Variants in RSPO2 observed in about 807,000 individuals in gnomAD.
RSPO2 encodes R-spondin-2.
RSPO2 carries 14 observed loss-of-function variants against 30.9 expected under a neutral mutation model. The ratio of observed to expected loss-of-function variants is 0.45; its 90% confidence interval spans 0.30 to 0.71. RSPO2 has a LOEUF of 0.71. Ranked by LOEUF, RSPO2 falls within the 30% of genes least tolerant of loss-of-function variation. The pLI, the probability that RSPO2 is intolerant of heterozygous loss-of-function variation, is 0.08. For missense variants in RSPO2, 264 were observed against 301.9 expected (o/e 0.87, Z 0.93); for synonymous variants, 107 against 96.4 (o/e 1.11, Z -0.64).
At chr8:108,028,892 T>C (rs1811311688) in intron 2 of RSPO2, among the ~76,000 whole-genome samples, 1 of 152,060 alleles carries the variant, frequency 6.6e-6, no homozygotes, top group South Asian at 2.1e-4. Context: ...ATCACTTTCA[T>C]AGCACATTGT....
chr8:108,005,999 T>G (rs80186015), intron 2 of RSPO2, among the ~76,000 whole-genome samples: 3 of 152,162 alleles, frequency 2.0e-5, no homozygotes, highest in Non-Finnish European at 4.4e-5. Flanking sequence ...GGAAGAACTG[T>G]TAATACAGAA....
chr8:107,907,173 G>A (rs1586529778), intron 5 of RSPO2, among the ~76,000 whole-genome samples: 2 of 151,892 alleles, frequency 1.3e-5, no homozygotes, highest in African/African-American at 4.8e-5. Context: ...CACTGGCTGT[G>A]GAGTCAGAAG....
intron 3 of RSPO2, among the ~76,000 whole-genome samples, chr8:107,976,505 A>G (rs1380067333): frequency 2.0e-5 from 3 of 152,190 alleles, no homozygotes; most frequent in East Asian, 3.9e-4. Flanking sequence ...TAGAATGGCC[A>G]TTTCTATCTG....
chr8:108,032,362 C>A (rs1212078569), intron 2 of RSPO2, among the ~76,000 whole-genome samples: 1 of 152,132 alleles, frequency 6.6e-6, no homozygotes, highest in East Asian at 1.9e-4. Context: ...TCCTTGAGAG[C>A]AAACACTCTT....
At chr8:107,909,449 G>A (rs1586532320) in intron 5 of RSPO2, among the ~76,000 whole-genome samples, 1 of 151,872 alleles carries the variant, frequency 6.6e-6, no homozygotes, top group East Asian at 1.9e-4. Context: ...TTTTAGTAGA[G>A]ACAGGTTTTC....
chr8:107,946,867 A>G (rs1323507880), intron 5 of RSPO2, among the ~76,000 whole-genome samples: 1 of 152,220 alleles, frequency 6.6e-6, no homozygotes, highest in Non-Finnish European at 1.5e-5. Context: ...TTTCCAACAT[A>G]CAAAGACATC....
chr8:108,076,612 T>C (rs1250693250), intron 2 of RSPO2, among the ~76,000 whole-genome samples: 1 of 151,886 alleles, frequency 6.6e-6, no homozygotes, highest in Admixed American at 6.6e-5. Context: ...CAGAACTCCA[T>C]GGATAAAAAA....
At chr8:108,020,756 G>T (rs1205872807) in intron 2 of RSPO2, among the ~76,000 whole-genome samples, 1 of 152,074 alleles carries the variant, frequency 6.6e-6, no homozygotes, top group African/African-American at 2.4e-5. Context: ...TCTCCTCCAG[G>T]AAGACTTCCC....
chr8:108,047,224 G>C (rs1380801418), intron 2 of RSPO2, among the ~76,000 whole-genome samples: 2 of 152,172 alleles, frequency 1.3e-5, no homozygotes, highest in Non-Finnish European at 2.9e-5. Context: ...TATTATTAGT[G>C]AATGCAACAT....
chr8:108,047,185 T>C (rs369526849), intron 2 of RSPO2, among the ~76,000 whole-genome samples: 35 of 152,342 alleles, frequency 2.3e-4, no homozygotes, highest in East Asian at 1.5e-3. Flanking sequence ...ATTATAATAC[T>C]TGTTATCAGT....
intron 5 of RSPO2, among the ~76,000 whole-genome samples, chr8:107,920,675 C>T (rs1271279199): frequency 2.0e-5 from 3 of 151,972 alleles, no homozygotes; most frequent in Admixed American, 6.6e-5. Context: ...TTTCCCAGTG[C>T]CAGAAAGACT....
intron 5 of RSPO2, among the ~76,000 whole-genome samples, 172 bp from the exon 6 acceptor site, chr8:107,901,362 C>G (rs985722009): frequency 6.6e-6 from 1 of 152,136 alleles, no homozygotes; most frequent in Non-Finnish European, 1.5e-5. Flanking sequence ...TAATAATTTA[C>G]TAAATTAGAT....
intron 5 of RSPO2, among the ~76,000 whole-genome samples, chr8:107,948,720 C>T (rs1214074560): frequency 6.6e-6 from 1 of 151,764 alleles, no homozygotes; most frequent in African/African-American, 2.4e-5. Context: ...ATTAGCTGGG[C>T]GTGGTGGCGG....
chr8:107,969,913 G>A (rs1476168098), intron 3 of RSPO2, among the ~76,000 whole-genome samples: 2 of 152,062 alleles, frequency 1.3e-5, no homozygotes, highest in Non-Finnish European at 1.5e-5. Flanking sequence ...ATCAGCTTCA[G>A]ACCTGCATCT....
chr8:108,030,020 C>G (rs757070718), intron 2 of RSPO2, among the ~76,000 whole-genome samples: 2 of 142,834 alleles, frequency 1.4e-5, no homozygotes, highest in Non-Finnish European at 3.0e-5. Context: ...TTTTAAATAA[C>G]AGAAATGACC....
intron 2 of RSPO2, among the ~76,000 whole-genome samples, chr8:108,017,099 C>T (rs568452935): frequency 5.3e-5 from 8 of 151,922 alleles, no homozygotes; most frequent in Non-Finnish European, 1.0e-4. Flanking sequence ...TCTCTGCAAG[C>T]TCCGCCTCCC....
chr8:107,981,392 G>A (rs1814426314), intron 3 of RSPO2, among the ~76,000 whole-genome samples: 1 of 151,856 alleles, frequency 6.6e-6, no homozygotes, highest in Admixed American at 6.6e-5. Context: ...ATCGTGGCGT[G>A]CGCCTGTAGT....
At chr8:108,007,727 T>C (rs1368082715) in intron 2 of RSPO2, among the ~76,000 whole-genome samples, 1 of 152,190 alleles carries the variant, frequency 6.6e-6, no homozygotes, top group Middle Eastern at 3.4e-3. Flanking sequence ...ATAAAGAATG[T>C]GGCAGAAGGA....
chr8:107,932,680 T>C (rs553692073), intron 5 of RSPO2, among the ~76,000 whole-genome samples: 1 of 152,232 alleles, frequency 6.6e-6, no homozygotes, highest in East Asian at 1.9e-4. Flanking sequence ...GTACAATGTT[T>C]AAAGATATAC....
Sources: gnomAD v4.1 joint callset for allele counts (sites outside exome capture counted in the v4.1 genomes callset) on GRCh38, gnomAD v4.1.1 for gene constraint, MANE v1.5 for transcripts, NCBI Gene and HGNC (gene_info 2026-07-23, HGNC 2026-07-21) for gene names.